PTPN9: variants seen among roughly 807,000 people sequenced by gnomAD.
PTPN9 encodes tyrosine-protein phosphatase non-receptor type 9.
Under a neutral mutation model 69.8 loss-of-function variants are expected in PTPN9, and 26 were observed. The ratio of observed to expected loss-of-function variants is 0.37; its 90% CI spans 0.27 to 0.52. The LOEUF is 0.52. PTPN9 is among the 20% of genes least tolerant of loss of function. The pLI is 0.91. For missense variants in PTPN9, 549 were observed against 740.3 expected (o/e 0.74, Z 3.00); for synonymous variants, 274 against 272.5 (o/e 1.01, Z -0.05).
intron 7 of PTPN9, among the ~76,000 whole-genome samples, chr15:75,491,550 A>C (rs1423390815): frequency 6.6e-6 from 1 of 152,180 alleles, no homozygotes; most frequent in Non-Finnish European, 1.5e-5. Context: ...GGACCTGGGT[A>C]ATGGACAGAG....
chr15:75,494,326 C>T (rs984385921), intron 7 of PTPN9, among the ~76,000 whole-genome samples: 1 of 151,462 alleles, frequency 6.6e-6, no homozygotes, highest in African/African-American at 2.4e-5. Context: ...TAAAAGAGGA[C>T]CTACACTAAG....
intron 1 of PTPN9, among the ~76,000 whole-genome samples, chr15:75,553,710 T>A (rs185019338): frequency 6.6e-5 from 10 of 152,244 alleles, no homozygotes; most frequent in African/African-American, 2.4e-4. Flanking sequence ...GGATGAGGCA[T>A]GTGAGACTTG....
At chr15:75,561,111 T>C (rs1198325636) in intron 1 of PTPN9, among the ~76,000 whole-genome samples, 1 of 150,824 alleles carries the variant, frequency 6.6e-6, no homozygotes, top group Non-Finnish European at 1.5e-5. Context: ...AGGTCAGGAG[T>C]TCAAGACCAG....
intron 4 of PTPN9, among the ~76,000 whole-genome samples, chr15:75,521,218 G>T (rs539026167): frequency 1.3e-5 from 2 of 151,698 alleles, no homozygotes; most frequent in African/African-American, 4.8e-5. Context: ...GGCTGAGGTG[G>T]GTGGATCACG....
intron 1 of PTPN9, among the ~76,000 whole-genome samples, chr15:75,560,409 G>C (rs549199515): frequency 6.6e-6 from 1 of 152,226 alleles, no homozygotes; most frequent in African/African-American, 2.4e-5. Context: ...TTCAAGGCAT[G>C]GAAGAGCTAG....
rs2074543466 is a variant in PTPN9, at chr15:75,467,885, T to C, written c.*884A>G. 6.6e-6 allele frequency: 1 copy of C among 152,644 alleles called. No homozygotes were observed. The highest frequency in any genetic ancestry group is 2.1e-4 in the South Asian group (1 of 4,830). 9.5% of individuals were successfully genotyped at this position (152,644 alleles called of 1,614,324 possible). ...AAAATCATCGGATAAGGGAAATCCA[T>C]GCTGAGCTAACCCAGTGTCACCACA... On this transcript the variant is annotated 3_prime_UTR_variant, in exon 13 of 13. Transcript: ENST00000618819.
At chr15:75,544,227 C>A (rs1687867994) in intron 1 of PTPN9, among the ~76,000 whole-genome samples, 1 of 152,078 alleles carries the variant, frequency 6.6e-6, no homozygotes, top group Non-Finnish European at 1.5e-5. Flanking sequence ...AAAAACGAAA[C>A]CTGCCGAGTA....
intron 7 of PTPN9, among the ~76,000 whole-genome samples, chr15:75,502,942 A>G (rs571809201): frequency 4.6e-5 from 7 of 152,352 alleles, no homozygotes; most frequent in African/African-American, 9.6e-5. Flanking sequence ...GAAGCACCCA[A>G]TGGTGCCCAG....
chr15:75,489,625 A>G (rs1466358331), intron 8 of PTPN9, among the ~76,000 whole-genome samples: 1 of 152,200 alleles, frequency 6.6e-6, no homozygotes, highest in Non-Finnish European at 1.5e-5. Flanking sequence ...CAAAGACACT[A>G]AAGTTAAAGG....
At chr15:75,526,494 C>A (rs904361362) in intron 2 of PTPN9, among the ~76,000 whole-genome samples, 2 of 151,486 alleles carry the variant, frequency 1.3e-5, no homozygotes, top group Non-Finnish European at 2.9e-5. Flanking sequence ...GGATTCTGAC[C>A]CCAAAGTAAC....
intron 4 of PTPN9, among the ~76,000 whole-genome samples, chr15:75,520,437 AATAGATAGATAG>A (rs138397961): frequency 1.4e-3 from 190 of 140,370 alleles, no homozygotes; most frequent in African/African-American, 4.8e-3. Context: ...TAGGGTATAG[AATAGATAGATAG>A]ATAGATAGAT....
At position 75,516,448 on chromosome 15, in the gene PTPN9, C is replaced by T. The variant is rs996566999; in HGVS notation, c.528+811G>A. 3.8e-4 allele frequency among the ~76,000 whole-genome samples: 58 copies of T among 151,316 alleles called. 1 individual carries two copies. The highest frequency in any genetic ancestry group is 1.3e-3 in the African/African-American group (55 of 41,310). Reference sequence around the variant, plus strand: ...CCTCCCAAGTAGCTGGGACTACAGGCGCCTGCCACCAGGCCCGGCTAATTT... The same window carrying T: ...CCTCCCAAGTAGCTGGGACTACAGGTGCCTGCCACCAGGCCCGGCTAATTT... On this transcript the variant is annotated intron_variant, in intron 5 of 12. Transcript: ENST00000618819.
At chr15:75,484,221 A>G (rs1424892047) in intron 8 of PTPN9, among the ~76,000 whole-genome samples, 4 of 152,226 alleles carry the variant, frequency 2.6e-5, no homozygotes, top group Non-Finnish European at 4.4e-5. Context: ...ATAACTCAAT[A>G]GAAACTGTTA....
Position 75,577,617 on chromosome 15 carries a change from T to C in PTPN9, c.63+1097A>G, listed in dbSNP as rs1416790046. Reference sequence around the variant, plus strand: ...AAGACAAGGACTTTAAAAAATCAGGTCAACAAGCCCATTAGCCAATAATAG... The same window carrying C: ...AAGACAAGGACTTTAAAAAATCAGGCCAACAAGCCCATTAGCCAATAATAG... On this transcript the variant is annotated intron_variant, in intron 1 of 12. Transcript: ENST00000618819. 5.3e-5 allele frequency among the ~76,000 whole-genome samples: 8 copies of C among 152,278 alleles called. No homozygotes were observed. In the East Asian group the frequency reaches 1.5e-3, roughly 29 times the overall value.
At chr15:75,490,619 T>C (rs1595950913) in intron 7 of PTPN9, among the ~76,000 whole-genome samples, 1 of 151,536 alleles carries the variant, frequency 6.6e-6, no homozygotes, top group East Asian at 1.9e-4. Flanking sequence ...GGAAATGTAA[T>C]GAGAGCTTAT....
chr15:75,548,401 G>A (rs1375187973), intron 1 of PTPN9, among the ~76,000 whole-genome samples: 12 of 150,750 alleles, frequency 8.0e-5, no homozygotes, highest in Non-Finnish European at 7.4e-5. Flanking sequence ...GATTACAGGC[G>A]CCCACCACCA....
At chr15:75,503,175 C>G (rs2074783665) in intron 7 of PTPN9, among the ~76,000 whole-genome samples, 1 of 150,906 alleles carries the variant, frequency 6.6e-6, no homozygotes, top group Non-Finnish European at 1.5e-5. Context: ...GGCCGCCATC[C>G]CATCTAGGAA....
chr15:75,485,929 TC>T (rs1335789492), intron 8 of PTPN9, among the ~76,000 whole-genome samples: 1 of 150,474 alleles, frequency 6.6e-6, no homozygotes. Context: ...TGAAACCCCA[TC>T]TCTACTAAAA....
intron 1 of PTPN9, among the ~76,000 whole-genome samples, chr15:75,559,700 C>A (rs2075095273): frequency 6.7e-6 from 1 of 148,722 alleles, no homozygotes; most frequent in African/African-American, 2.5e-5. Context: ...ATCTGCTGAC[C>A]TTCCCTCCAC....
Sources: allele counts gnomAD v4.1 joint callset (sites outside exome capture counted in the v4.1 genomes callset), GRCh38; gene constraint gnomAD v4.1.1; transcripts MANE v1.5; gene names NCBI Gene and HGNC (gene_info 2026-07-23, HGNC 2026-07-21).